Variants in SLIT3 observed in about 807,000 individuals in gnomAD.
SLIT3 encodes slit homolog 3 protein.
SLIT3 carries 68 observed loss-of-function variants against 184.0 expected under a neutral mutation model. That is an observed-to-expected ratio of 0.37 (90% confidence interval 0.30 to 0.45). The LOEUF is 0.45. Among genes scored for constraint, SLIT3 ranks in the 20% least tolerant of loss-of-function variants. SLIT3 has a pLI of 1.00. For missense variants in SLIT3, 1,707 were observed against 2,026.0 expected, an observed-to-expected ratio of 0.84 and a Z score of 3.02; for synonymous variants, 831 against 828.6, an observed-to-expected ratio of 1.00 and a Z score of -0.05.
intron 4 of SLIT3, among the ~76,000 whole-genome samples, chr5:169,143,078 T>A (rs1761799052): frequency 6.6e-6 from 1 of 152,212 alleles, no homozygotes; most frequent in Non-Finnish European, 1.5e-5. Flanking sequence ...CTATTTTTAA[T>A]GTAAGTTGTG....
intron 7 of SLIT3, 83 bp from the exon 8 acceptor site, chr5:168,817,546 C>T: frequency 7.7e-7 from 1 of 1,298,552 alleles, no homozygotes; most frequent in Non-Finnish European, 1.1e-6. Context: ...TGACCAAAAC[C>T]CCTGTTGCCC....
At chr5:169,257,829 A>G (rs1358771935) in intron 1 of SLIT3, among the ~76,000 whole-genome samples, 1 of 152,150 alleles carries the variant, frequency 6.6e-6, no homozygotes, top group Non-Finnish European at 1.5e-5. Flanking sequence ...TGCTAAAATT[A>G]TAGGCATGAG....
intron 5 of SLIT3, among the ~76,000 whole-genome samples, chr5:168,881,651 T>C (rs185276396): frequency 6.6e-6 from 1 of 152,186 alleles, no homozygotes; most frequent in Non-Finnish European, 1.5e-5. Flanking sequence ...TTTTGGTTCA[T>C]GTGAACAGTC....
At chr5:168,930,296 G>C (rs948159129) in intron 4 of SLIT3, among the ~76,000 whole-genome samples, 2 of 152,180 alleles carry the variant, frequency 1.3e-5, no homozygotes, top group Admixed American at 1.3e-4. Context: ...TATCAGTGAG[G>C]AGGAGAGTAA....
At chr5:169,291,338 G>A (rs995370508) in intron 1 of SLIT3, among the ~76,000 whole-genome samples, 1 of 152,180 alleles carries the variant, frequency 6.6e-6, no homozygotes, top group Non-Finnish European at 1.5e-5. Context: ...TACTCTTGGA[G>A]GGTGTATCCC....
At chr5:168,721,380 T>C (rs1762936071) in intron 23 of SLIT3, among the ~76,000 whole-genome samples, 1 of 152,200 alleles carries the variant, frequency 6.6e-6, no homozygotes, top group Non-Finnish European at 1.5e-5. Context: ...TTGTTAAGCA[T>C]TTACAGTGCC....
intron 4 of SLIT3, among the ~76,000 whole-genome samples, chr5:169,113,553 C>T (rs946984856): frequency 1.8e-4 from 28 of 151,980 alleles, no homozygotes; most frequent in African/African-American, 6.5e-4. Context: ...AAATACCATT[C>T]GATCCTCTTT....
At chr5:168,728,306 A>G (rs1585399) in intron 20 of SLIT3, among the ~76,000 whole-genome samples, 26,124 of 149,362 alleles carry the variant, frequency 0.17, 2,874 homozygotes, top group East Asian at 0.42. Context: ...ATATATCCTC[A>G]GAGAAAATTC....
rs1561608918 is a variant in SLIT3, at chr5:169,015,986, A to AC, written c.414-132651_414-132650insG. 1.3e-3 allele frequency among the ~76,000 whole-genome samples: 95 copies of AC among 73,750 alleles called. 1 individual carries two copies. Among genetic ancestry groups the AC allele is most frequent in the Non-Finnish European group, 1.6e-3 (58 of 35,232 alleles). The allele number at this position is 73,750 out of a possible 152,430, so 48.4% of individuals were successfully genotyped here. A position where few individuals can be genotyped will look rare whatever the true frequency, so the allele number is the denominator to read the frequency against. On this transcript the variant is annotated intron_variant, in intron 4 of 35. Coordinates refer to ENST00000519560, the MANE Select transcript of SLIT3 (RefSeq NM_003062.4). ...CACACACACACACACACACACACAC[A>AC]ACTTTCTGTCTGCCCCCTTGCTCTT...
intron 4 of SLIT3, among the ~76,000 whole-genome samples, chr5:168,984,966 T>G (rs775677540): frequency 9.2e-5 from 14 of 152,056 alleles, no homozygotes; most frequent in Non-Finnish European, 1.8e-4. Context: ...GAAGTAATGA[T>G]CCAGAAATAT....
At chr5:169,002,926 G>A (rs1755770852) in intron 4 of SLIT3, among the ~76,000 whole-genome samples, 1 of 152,140 alleles carries the variant, frequency 6.6e-6, no homozygotes, top group South Asian at 2.1e-4. Flanking sequence ...GGTTTTAACT[G>A]TATGAAAACA....
chr5:168,879,747 G>C (rs969794763), intron 5 of SLIT3, among the ~76,000 whole-genome samples: 2 of 152,188 alleles, frequency 1.3e-5, no homozygotes, highest in Non-Finnish European at 2.9e-5. Context: ...TGTCCACAAT[G>C]CTGACAGAAG....
intron 4 of SLIT3, among the ~76,000 whole-genome samples, chr5:169,127,818 A>C (rs1244627205): frequency 1.3e-5 from 2 of 152,198 alleles, no homozygotes; most frequent in Non-Finnish European, 2.9e-5. Context: ...GAAATTTAGC[A>C]TCATTACTTG....
At chr5:168,741,245 C>T (rs1331100862) in intron 20 of SLIT3, among the ~76,000 whole-genome samples, 16 of 152,052 alleles carry the variant, frequency 1.1e-4, no homozygotes, top group East Asian at 3.9e-4. Flanking sequence ...CCGAGGCGGG[C>T]GGATCACGAG....
intron 4 of SLIT3, among the ~76,000 whole-genome samples, chr5:169,060,228 A>G (rs1301145031): frequency 6.6e-6 from 1 of 152,178 alleles, no homozygotes; most frequent in Non-Finnish European, 1.5e-5. Context: ...TGTCTCTACT[A>G]AAAATACAAA....
intron 20 of SLIT3, among the ~76,000 whole-genome samples, chr5:168,743,266 T>C (rs1295439126): frequency 1.3e-5 from 2 of 152,104 alleles, no homozygotes; most frequent in Admixed American, 6.6e-5. Flanking sequence ...TGAAGGTTTA[T>C]GGCAACCCCG....
chr5:168,757,180 C>G (rs184760407), intron 16 of SLIT3, among the ~76,000 whole-genome samples: 12 of 152,230 alleles, frequency 7.9e-5, no homozygotes, highest in South Asian at 2.1e-4. Flanking sequence ...TCCCAGGAAA[C>G]CACAAAATGT....
intron 4 of SLIT3, among the ~76,000 whole-genome samples, chr5:169,077,331 T>G (rs1040447666): frequency 7.4e-5 from 11 of 148,958 alleles, no homozygotes; most frequent in Non-Finnish European, 1.3e-4. Flanking sequence ...AGGTCAGGAG[T>G]TCAAGACCAG....
Position 168,665,901 on chromosome 5 carries a change from A to AAAGCTGGGTAATTTT in SLIT3, c.*538_*552dup, listed in dbSNP as rs1216686850. ...TGGGCACTGACATCCAGGACTCCGA[A>AAAGCTGGGTAATTTT]AAGCTGGGTAATTTTAGGGGAGGAA... On this transcript the variant is annotated 3_prime_UTR_variant, in exon 36 of 36. Transcript: ENST00000519560. The AAAGCTGGGTAATTTT allele has an allele frequency of 1.4e-4, 21 of 152,294 alleles. No homozygotes were observed. Among genetic ancestry groups the AAAGCTGGGTAATTTT allele is most frequent in the African/African-American group, 4.8e-4 (20 of 41,586 alleles). The allele number at this position is 152,294 out of a possible 1,614,324, so 9.4% of individuals were successfully genotyped here. A position where few individuals can be genotyped will look rare whatever the true frequency, so the allele number is the denominator to read the frequency against.
Sources: gnomAD v4.1 joint callset for allele counts (sites outside exome capture counted in the v4.1 genomes callset) on GRCh38, gnomAD v4.1.1 for gene constraint, MANE v1.5 for transcripts, NCBI Gene and HGNC (gene_info 2026-07-23, HGNC 2026-07-21) for gene names.